The following PRKAR1A variants were observed in gnomAD, a reference collection of about 807,000 sequenced individuals.
PRKAR1A encodes the protein cAMP-dependent protein kinase type I-alpha regulatory subunit.
Under a neutral mutation model 52.0 loss-of-function variants are expected in PRKAR1A, and 3 were observed. The observed-to-expected ratio is 0.06, with a 90% CI of 0.03 to 0.15. The LOEUF is 0.15. Among genes scored for constraint, PRKAR1A ranks in the 10% least tolerant of loss-of-function variants. The pLI is 1.00. For synonymous variants in PRKAR1A, 188 were observed against 168.4 expected (o/e 1.12, Z -0.90); for missense variants, 240 against 477.4 (o/e 0.50, Z 4.63).
At chr17:68,545,502 C>T (rs545081136) in intron 11 of PRKAR1A, among the ~76,000 whole-genome samples, 1 of 152,300 alleles carries the variant, frequency 6.6e-6, no homozygotes, top group South Asian at 2.1e-4. Flanking sequence ...GGAAAAAGCA[C>T]TTTATTGCTA....
chr17:68,541,946 T>C (rs2143494959), intron 11 of PRKAR1A: 2 of 1,590,152 alleles, frequency 1.3e-6, no homozygotes, highest in Non-Finnish European at 1.7e-6. Context: ...CTGTGGCTAC[T>C]GTCAAGGACT....
At chr17:68,529,085 G>A (rs984587376) in intron 9 of PRKAR1A, 94 bp downstream of exon 9, 3 of 1,461,772 alleles carry the variant, frequency 2.1e-6, no homozygotes, top group East Asian at 2.3e-5. Context: ...GGGAAAGAGT[G>A]GGCTAATTCT....
intron 11 of PRKAR1A, chr17:68,540,413 G>A (rs1480914929): frequency 2.2e-6 from 1 of 456,796 alleles, no homozygotes; most frequent in South Asian, 1.6e-5. Flanking sequence ...CCTGTATGAC[G>A]GCCACCTTCA....
At chr17:68,420,325 C>G in the PRKAR1A span, 2 of 1,614,040 alleles carry the variant, frequency 1.2e-6, no homozygotes, top group Non-Finnish European at 8.5e-7. Context: ...CTGTGCTGCC[C>G]GAGGTCAGAA....
At position 68,533,007 on chromosome 17, in the gene PRKAR1A, A is replaced by T. The variant is rs1296974715; in HGVS notation, c.*2558A>T. 1 of 1,065,826 alleles carries T rather than the reference A, an allele frequency of 9.4e-7. No homozygotes were observed. Among genetic ancestry groups the T allele is most frequent in the African/African-American group, 1.6e-5 (1 of 61,130 alleles). The allele number at this position is 1,065,826 out of a possible 1,614,324, so 66.0% of individuals were successfully genotyped here. ...TTTACTTAGTCATGGAAAGAAAAAA[A>T]TTCAGTCAAAAGCTAAAGATTTCCT... On this transcript the variant is annotated 3_prime_UTR_variant, in exon 11 of 11. Transcript: ENST00000589228.
At chr17:68,518,427 C>T (rs986993472) in intron 2 of PRKAR1A, among the ~76,000 whole-genome samples, 1 of 152,250 alleles carries the variant, frequency 6.6e-6, no homozygotes, top group Non-Finnish European at 1.5e-5. Context: ...TCCCAAACCT[C>T]AGTTCTTGAC....
chr17:68,514,593 A>T (rs2085370703), intron 1 of PRKAR1A, among the ~76,000 whole-genome samples: 1 of 152,246 alleles, frequency 6.6e-6, no homozygotes, highest in Non-Finnish European at 1.5e-5. Flanking sequence ...AATGCAATTT[A>T]TCTATTGAAT....
At chr17:68,542,696 G>C in intron 11 of PRKAR1A, 3 of 1,611,768 alleles carry the variant, frequency 1.9e-6, no homozygotes, top group Non-Finnish European at 8.5e-7. Context: ...TACTCTACCT[G>C]GAGAGACAAA....
At chr17:68,523,324 T>C (rs902728279) in intron 3 of PRKAR1A, among the ~76,000 whole-genome samples, 2 of 152,242 alleles carry the variant, frequency 1.3e-5, no homozygotes, top group African/African-American at 2.4e-5. Context: ...TTTTGAGTTA[T>C]GCTGTTAGCC....
At chr17:68,463,760 G>A in the PRKAR1A span, among the ~76,000 whole-genome samples, 1 of 152,162 alleles carries the variant, frequency 6.6e-6, no homozygotes, top group Non-Finnish European at 1.5e-5. Flanking sequence ...AGGCAGGGCC[G>A]CTGGAGTGGG....
At chr17:68,513,773 T>C (rs1015269155) in intron 1 of PRKAR1A, among the ~76,000 whole-genome samples, 2 of 152,222 alleles carry the variant, frequency 1.3e-5, no homozygotes, top group African/African-American at 4.8e-5. Context: ...GCTATCTTTT[T>C]GGTTTTCGTA....
chr17:68,473,586 G>T, the PRKAR1A span, among the ~76,000 whole-genome samples: 1 of 151,978 alleles, frequency 6.6e-6, no homozygotes, highest in Admixed American at 6.6e-5. Flanking sequence ...GCAGTGGCAC[G>T]ATCTCAGCTC....
the PRKAR1A span, among the ~76,000 whole-genome samples, chr17:68,485,830 CT>C: frequency 6.6e-6 from 1 of 152,164 alleles, no homozygotes; most frequent in South Asian, 2.1e-4. Context: ...CCTCCACCCC[CT>C]GGGTTAAAGC....
In PRKAR1A at chr17:68,524,038, T is replaced by C. The variant is rs2085703582; in HGVS notation, c.463T>C (p.Ser155Pro). 1 of 1,614,024 alleles carries C rather than the reference T, an allele frequency of 6.2e-7. No individual in the cohort carries two copies. The highest frequency in any genetic ancestry group is 1.1e-5 in the South Asian group (1 of 91,084). Reference protein sequence around the residue: ...ERSDIFDAMFSVSFIAGETVI... With the variant: ...ERSDIFDAMFPVSFIAGETVI... ...CAGTGATATTTTTGATGCCATGTTT[T>C]CGGTCTCCTTTATCGCAGGAGAGAC... The change falls in exon 5 of 11, where the codon TCG becomes CCG. Residue 155 changes from serine to proline, a missense_variant. Around this residue, in one of 4 missense-constraint regions of PRKAR1A, gnomAD observed 107 missense variants for 290.9 expected, o/e 0.37. Coordinates refer to ENST00000589228, the MANE Select transcript of PRKAR1A (RefSeq NM_002734.5).
At chr17:68,511,451 A>C (rs1359973709), upstream of PRKAR1A, among the ~76,000 whole-genome samples, 1 of 152,052 alleles carries the variant, frequency 6.6e-6, no homozygotes, top group Admixed American at 6.5e-5. Context: ...CCATTAGTGC[A>C]GCTTGTCTGG....
In PRKAR1A at chr17:68,532,683, C is replaced by T; in HGVS notation, c.*2234C>T. 1.9e-6 allele frequency: 2 copies of T among 1,066,158 alleles called. No individual in the cohort carries two copies. Among genetic ancestry groups the T allele is most frequent in the Non-Finnish European group, 2.3e-6 (2 of 879,606 alleles). 66.0% of individuals were successfully genotyped at this position (1,066,158 alleles called of 1,614,324 possible). A position where few individuals can be genotyped will look rare whatever the true frequency, so the allele number is the denominator to read the frequency against. ...TTCCTGATTACCAGTCTGATTATAC[C>T]ATGTGTGCTAATATACTTTTTTTGT... On this transcript the variant is annotated 3_prime_UTR_variant, in exon 11 of 11. Coordinates refer to ENST00000589228, the MANE Select transcript of PRKAR1A (RefSeq NM_002734.5).
At chr17:68,463,921 C>T in the PRKAR1A span, among the ~76,000 whole-genome samples, 2 of 152,202 alleles carry the variant, frequency 1.3e-5, no homozygotes, top group African/African-American at 2.4e-5. Flanking sequence ...TTAGCACGTT[C>T]AAGTCTCCAG....
downstream of PRKAR1A, among the ~76,000 whole-genome samples, chr17:68,538,022 C>T (rs1244301236): frequency 6.6e-6 from 1 of 152,128 alleles, no homozygotes; most frequent in Non-Finnish European, 1.5e-5. Context: ...TCTCTGACAA[C>T]GCTAAGGGAA....
chr17:68,430,269 A>C, the PRKAR1A span: 1 of 1,129,896 alleles, frequency 8.9e-7, no homozygotes. Flanking sequence ...GCAGGGAGAG[A>C]CTGTGCCTTA....
Sources: allele counts gnomAD v4.1 joint callset (sites outside exome capture counted in the v4.1 genomes callset), GRCh38; gene constraint gnomAD v4.1.1; regional missense constraint gnomAD v4.1.1; transcripts MANE v1.5; gene names NCBI Gene and HGNC (gene_info 2026-07-23, HGNC 2026-07-21).